The following ZNF710 variants were observed in gnomAD, a reference collection of about 807,000 sequenced individuals.
The protein encoded by ZNF710 is zinc finger protein 710.
In ZNF710, 13 loss-of-function variants were observed where a neutral mutation model predicts 50.6. The observed-to-expected ratio is 0.26, with a 90% confidence interval of 0.17 to 0.41. The LOEUF (loss-of-function observed/expected upper bound fraction) is 0.41, where lower values mean the gene tolerates loss of function less well. ZNF710 is among the 10% of genes least tolerant of loss of function. The pLI is 1.00. For missense variants in ZNF710, 721 were observed against 936.6 expected (o/e 0.77, Z 3.01); for synonymous variants, 383 against 397.0 (o/e 0.96, Z 0.42).
chr15:90,001,633 C>CCCCCGCCCCAGCCCCAGCCCCAG lies in ZNF710; in HGVS notation c.-29+26_-29+48dup. On this transcript the variant is annotated intron_variant, in intron 1 of 4. Transcript: ENST00000268154. The stretch of plus-strand genomic sequence containing the variant: ...ACCCAGGGTGAGTGTCCCGCGCGGC[C>CCCCCGCCCCAGCCCCAGCCCCAG]CCCCGCCCCAGCCCCAGCCCCAGCC... The CCCCCGCCCCAGCCCCAGCCCCAG allele has an allele frequency of 7.0e-6, 1 of 143,644 alleles. No individual in the cohort carries two copies. Among genetic ancestry groups the CCCCCGCCCCAGCCCCAGCCCCAG allele is most frequent in the Non-Finnish European group, 1.6e-5 (1 of 64,390 alleles). 8.9% of individuals were successfully genotyped at this position (143,644 alleles called of 1,614,324 possible). A position where few individuals can be genotyped will look rare whatever the true frequency, so the allele number is the denominator to read the frequency against.
In ZNF710 at chr15:90,031,018, C is replaced by CAAAAAAAA. The variant is rs372425290; in HGVS notation, c.-29+29406_-29+29413dup. On this transcript the variant is annotated intron_variant, in intron 1 of 4. Coordinates refer to ENST00000268154, the MANE Select transcript of ZNF710 (RefSeq NM_198526.4). ...TGGGCGACAGAGCGAGACTCCGTCT[C>CAAAAAAAA]AAAAAAAAAGAAAAAAAAAAAAATG... is the stretch of plus-strand genomic sequence containing the variant. 2.2e-4 allele frequency among the ~76,000 whole-genome samples: 20 copies of CAAAAAAAA among 89,714 alleles called. 1 individual carries two copies. The highest frequency in any genetic ancestry group is 3.6e-4 in the Admixed American group (3 of 8,414). The allele number at this position is 89,714 out of a possible 152,430, so 58.9% of individuals were successfully genotyped here.
At chr15:90,026,152 G>A (rs941116713) in intron 1 of ZNF710, 4 of 150,678 alleles carry the variant, frequency 2.7e-5, no homozygotes, top group South Asian at 2.1e-4. Flanking sequence ...ATCAGCAAAC[G>A]TATCCAAGAG....
chr15:90,002,930 G>A (rs1359957649), intron 1 of ZNF710, among the ~76,000 whole-genome samples: 2 of 152,148 alleles, frequency 1.3e-5, no homozygotes, highest in African/African-American at 4.8e-5. Context: ...CTGGAGTGCA[G>A]TGGCGCGATC....
chr15:90,064,799 C>T (rs1900116587), intron 1 of ZNF710, among the ~76,000 whole-genome samples: 1 of 152,182 alleles, frequency 6.6e-6, no homozygotes, highest in Non-Finnish European at 1.5e-5. Context: ...AACAGTGATT[C>T]TTTACAGTTG....
intron 1 of ZNF710, among the ~76,000 whole-genome samples, chr15:90,063,660 G>A (rs1900079787): frequency 6.6e-6 from 1 of 152,128 alleles, no homozygotes; most frequent in African/African-American, 2.4e-5. Context: ...ATAAGGAGTG[G>A]CCCCTTGTAG....
intron 1 of ZNF710, among the ~76,000 whole-genome samples, chr15:90,015,545 G>A (rs1048565929): frequency 4.6e-5 from 7 of 151,774 alleles, no homozygotes; most frequent in African/African-American, 9.7e-5. Flanking sequence ...CAGAATGTCC[G>A]TCACTAGAGA....
intron 1 of ZNF710, among the ~76,000 whole-genome samples, chr15:90,026,599 T>C (rs1898788567): frequency 6.6e-6 from 1 of 152,056 alleles, no homozygotes; most frequent in African/African-American, 2.4e-5. Context: ...AAGCCTGATA[T>C]TAAACATGGC....
rs371654216 is a variant in ZNF710 at position 90,073,282 on chromosome 15, C to T, written c.1650+20C>T. 81 of 1,606,428 alleles carry T rather than the reference C, an allele frequency of 5.0e-5. No homozygotes were observed. Among genetic ancestry groups the T allele is most frequent in the Non-Finnish European group, 6.0e-5 (70 of 1,174,136 alleles). On this transcript the variant is annotated intron_variant, in intron 3 of 4. Transcript: ENST00000268154. ...TGCAAGGTACCCGGTCATCAGGCCC[C>T]GGGGCTGGGACCTCCCCGAGGGTGG... is the stretch of plus-strand genomic sequence containing the variant.
intron 1 of ZNF710, among the ~76,000 whole-genome samples, chr15:90,010,662 C>T (rs1898273528): frequency 6.6e-6 from 1 of 152,104 alleles, no homozygotes; most frequent in African/African-American, 2.4e-5. Flanking sequence ...TCTGATTCTT[C>T]TGTTCATTCT....
Position 90,073,191 on chromosome 15 carries a change from A to G in ZNF710, c.1579A>G (p.Thr527Ala). The G allele has an allele frequency of 6.2e-7, 1 of 1,614,084 alleles. No individual in the cohort carries two copies. Among genetic ancestry groups the G allele is most frequent in the Non-Finnish European group, 8.5e-7 (1 of 1,180,010 alleles). Residue 527 changes from threonine (T) to alanine (A), a missense_variant, in exon 3 of 5, where the codon ACC (threonine) becomes GCC (alanine). Physicochemically the swap from Thr to Ala is moderately conservative, Grantham distance 58. This residue lies in a region of ZNF710 where 326 missense variants were observed against 522.0 expected (regional missense o/e 0.62). Coordinates refer to ENST00000268154, the MANE Select transcript of ZNF710 (RefSeq NM_198526.4). ...CTACCAGTGCCACATCTGCTTCAAGACCTTTGTACAGAAGCAGACTCTCAA... is the reference window on the plus strand; with the variant it reads ...CTACCAGTGCCACATCTGCTTCAAGGCCTTTGTACAGAAGCAGACTCTCAA... ...RPYQCHICFKTFVQKQTLKTH... is the reference protein window; with the variant it reads ...RPYQCHICFKAFVQKQTLKTH...
intron 1 of ZNF710, among the ~76,000 whole-genome samples, chr15:90,015,150 C>T (rs1483205501): frequency 6.6e-6 from 1 of 152,148 alleles, no homozygotes; most frequent in Non-Finnish European, 1.5e-5. Flanking sequence ...CTCAGCCTCC[C>T]AAAGTGCTGG....
intron 4 of ZNF710, chr15:90,074,708 G>A (rs1900533016): frequency 1.1e-5 from 4 of 357,480 alleles, no homozygotes; most frequent in South Asian, 4.4e-5. Flanking sequence ...TTTCGTTACC[G>A]TGAGATAATA....
At chr15:90,045,978 A>G (rs551341539) in intron 1 of ZNF710, among the ~76,000 whole-genome samples, 1 of 152,204 alleles carries the variant, frequency 6.6e-6, no homozygotes, top group East Asian at 1.9e-4. Context: ...GCACAGAAAA[A>G]GGGACCTGGT....
At chr15:90,042,125 G>A (rs1233061438) in intron 1 of ZNF710, among the ~76,000 whole-genome samples, 3 of 151,994 alleles carry the variant, frequency 2.0e-5, no homozygotes, top group Non-Finnish European at 1.5e-5. Context: ...TTGAACTCCT[G>A]ACCTCAGGTG....
At chr15:90,077,974 G>A (rs2939845) in intron 4 of ZNF710, among the ~76,000 whole-genome samples, 59,112 of 151,716 alleles carry the variant, frequency 0.39, 11,997 homozygotes, top group East Asian at 0.67. Context: ...TTGAGAGGCC[G>A]AGGCAGGCGG....
intron 1 of ZNF710, among the ~76,000 whole-genome samples, chr15:90,007,513 G>A (rs1799351255): frequency 6.6e-6 from 1 of 151,898 alleles, no homozygotes; most frequent in Non-Finnish European, 1.5e-5. Context: ...TGGCCTCAAG[G>A]GAGATTGCGG....
Position 90,068,563 on chromosome 15 carries a change from C to T in ZNF710, c.1426C>T (p.His476Tyr). The change falls in exon 2 of 5, where the codon CAC becomes TAC. Residue 476 changes from histidine to tyrosine, a missense_variant. Physicochemically the swap from His to Tyr is moderately conservative, Grantham distance 83. This residue lies in a region of ZNF710 where 326 missense variants were observed against 522.0 expected (regional missense o/e 0.62). Transcript: ENST00000268154. The surrounding 1 kb of genome is among the most constrained non-coding windows in gnomAD (Gnocchi z 5.0). ...TECGMEFSQIHHLKQHSLTHK... is the reference protein window; with the variant it reads ...TECGMEFSQIYHLKQHSLTHK... ...ATGCGGCATGGAGTTCAGCCAGATT[C>T]ACCACCTCAAGCAGCACTCCCTCAC... 6.2e-7 allele frequency: 1 copy of T among 1,607,290 alleles called. No individual in the cohort carries two copies. Among genetic ancestry groups the T allele is most frequent in the Non-Finnish European group, 8.5e-7 (1 of 1,178,980 alleles).
At chr15:90,033,031 G>A (rs1898995067) in intron 1 of ZNF710, among the ~76,000 whole-genome samples, 2 of 152,088 alleles carry the variant, frequency 1.3e-5, no homozygotes, top group Non-Finnish European at 1.5e-5. Context: ...GTATTCTTAG[G>A]CCAGTGCCCC....
chr15:90,055,943 C>T (rs542705741), intron 1 of ZNF710, among the ~76,000 whole-genome samples: 9 of 151,640 alleles, frequency 5.9e-5, no homozygotes, highest in South Asian at 4.2e-4. Context: ...GGTGAAACCC[C>T]GTCTCTACTA....
Sources: gnomAD v4.1 joint callset for allele counts (sites outside exome capture counted in the v4.1 genomes callset) on GRCh38, gnomAD v4.1.1 for gene constraint, gnomAD v4.1.1 regional missense constraint, Gnocchi (gnomAD v3.1) non-coding constraint, MANE v1.5 for transcripts, NCBI Gene and HGNC (gene_info 2026-07-23, HGNC 2026-07-21) for gene names.